CHCHD3: variants seen among roughly 807,000 people sequenced by gnomAD.
The protein encoded by CHCHD3 is coiled-coil-helix-coiled-coil-helix domain containing 3, also known as MICOS complex subunit MIC19.
A neutral mutation model predicts 38.2 loss-of-function variants in CHCHD3; 20 were observed. The observed-to-expected ratio is 0.52, with a 90% CI of 0.37 to 0.76. The LOEUF (loss-of-function observed/expected upper bound fraction) is 0.76. Ranked by LOEUF, CHCHD3 falls within the 30% of genes least tolerant of loss-of-function variation. The probability of loss-of-function intolerance (pLI) is 0.00; values close to 1 mark genes in which losing one functional copy is unlikely to be tolerated. For synonymous variants in CHCHD3, 82 were observed against 100.0 expected, an observed-to-expected ratio of 0.82 and a Z score of 1.07; for missense variants, 245 against 279.2, an observed-to-expected ratio of 0.88 and a Z score of 0.87.
At chr7:132,851,397 T>A (rs530166117) in intron 5 of CHCHD3, among the ~76,000 whole-genome samples, 2 of 152,176 alleles carry the variant, frequency 1.3e-5, no homozygotes, top group Admixed American at 1.3e-4. Flanking sequence ...TTATCGCAAA[T>A]ATAAGGTATT....
intron 4 of CHCHD3, among the ~76,000 whole-genome samples, chr7:132,939,564 C>T (rs1318224869): frequency 2.0e-5 from 3 of 152,162 alleles, no homozygotes; most frequent in Admixed American, 1.3e-4. Context: ...TGTGTAAGTA[C>T]ACTCTCTAGT....
intron 5 of CHCHD3, among the ~76,000 whole-genome samples, chr7:132,842,972 C>A (rs1282248699): frequency 6.6e-6 from 1 of 152,160 alleles, no homozygotes; most frequent in Non-Finnish European, 1.5e-5. Flanking sequence ...CTTTTGGTAT[C>A]CACTGGCGAG....
rs79083248 is a variant in CHCHD3 at position 132,880,293 on chromosome 7, G to A, written c.453+5369C>T. On this transcript the variant is annotated intron_variant, in intron 5 of 7. Coordinates refer to ENST00000262570, the MANE Select transcript of CHCHD3 (RefSeq NM_017812.4). ...ACTTTAAGCCTTCACCTAAACAATA[G>A]GGCGCACAGCCACACAGGGTTGTTG... Among the ~76,000 whole-genome samples, 93 of 152,246 alleles carry A rather than the reference G, an allele frequency of 6.1e-4. 2 individuals are homozygous for A. In the East Asian group the frequency reaches 9.6e-3, roughly 16 times the overall value.
chr7:133,012,092 C>T (rs1812892798), intron 3 of CHCHD3, among the ~76,000 whole-genome samples: 1 of 152,176 alleles, frequency 6.6e-6, no homozygotes, highest in Admixed American at 6.5e-5. Context: ...TAGCATTATC[C>T]ACATTTTCAG....
chr7:133,011,801 T>TA (rs1812880433), intron 3 of CHCHD3, among the ~76,000 whole-genome samples: 1 of 152,218 alleles, frequency 6.6e-6, no homozygotes, highest in Admixed American at 6.5e-5. Context: ...AAAAAATCTT[T>TA]AAAAAATTAT....
intron 5 of CHCHD3, among the ~76,000 whole-genome samples, chr7:132,843,727 T>A (rs999600511): frequency 6.6e-6 from 1 of 152,242 alleles, no homozygotes; most frequent in African/African-American, 2.4e-5. Context: ...TTGCACATGC[T>A]GCTATCTTGT....
chr7:133,073,156 C>T (rs1814876181), intron 1 of CHCHD3, among the ~76,000 whole-genome samples: 1 of 151,896 alleles, frequency 6.6e-6, no homozygotes, highest in Admixed American at 6.6e-5. Context: ...CATCTAACAC[C>T]TCTGGCCACT....
intron 4 of CHCHD3, among the ~76,000 whole-genome samples, chr7:132,899,996 C>A (rs1293648058): frequency 6.6e-6 from 1 of 152,210 alleles, no homozygotes; most frequent in Non-Finnish European, 1.5e-5. Context: ...TTGGAAATAA[C>A]CGTGTGTATG....
intron 3 of CHCHD3, among the ~76,000 whole-genome samples, chr7:132,981,518 T>C (rs1418163708): frequency 1.3e-5 from 2 of 152,246 alleles, no homozygotes; most frequent in African/African-American, 4.8e-5. Flanking sequence ...AAATAGGCTC[T>C]TTTAAAATTT....
chr7:132,984,851 T>TAA (rs1812047535), intron 3 of CHCHD3, among the ~76,000 whole-genome samples: 1 of 107,768 alleles, frequency 9.3e-6, no homozygotes, highest in Non-Finnish European at 2.0e-5. Flanking sequence ...GGGAGGGAGG[T>TAA]GGGGGTCAGC....
chr7:133,034,912 T>G, intron 2 of CHCHD3: 1 of 1,608,224 alleles, frequency 6.2e-7, no homozygotes, highest in Non-Finnish European at 8.5e-7. Flanking sequence ...TTGCAGCTCA[T>G]GAAGGTCTGA....
chr7:132,816,425 G>C (rs1399272364), intron 6 of CHCHD3, among the ~76,000 whole-genome samples: 1 of 151,982 alleles, frequency 6.6e-6, no homozygotes, highest in Admixed American at 6.5e-5. Flanking sequence ...CTGTTTAAAA[G>C]AAAGTTTTAT....
intron 5 of CHCHD3, among the ~76,000 whole-genome samples, 195 bp downstream of exon 5, chr7:132,885,467 G>A (rs1809180862): frequency 6.6e-6 from 1 of 152,034 alleles, no homozygotes. Flanking sequence ...AACAAATAAC[G>A]CAACCATTCC....
intron 6 of CHCHD3, among the ~76,000 whole-genome samples, chr7:132,810,023 G>A (rs1270304197): frequency 6.6e-6 from 1 of 152,164 alleles, no homozygotes; most frequent in Non-Finnish European, 1.5e-5. Context: ...TGAGAAAATG[G>A]TCTCTATTTG....
Position 133,035,163 on chromosome 7 carries a change from T to G in CHCHD3, c.170-10536A>C. ...CTCCTCAGGAGCAGGGGCAGCCGCCTTTTTCTCCTCCTTCCGCTCAGCCTG... is the reference window on the plus strand; with the variant it reads ...CTCCTCAGGAGCAGGGGCAGCCGCCGTTTTCTCCTCCTTCCGCTCAGCCTG... On this transcript the variant is annotated intron_variant, in intron 2 of 7. Transcript: ENST00000262570. This position sits in a 1 kb window ranked among gnomAD's most constrained non-coding sequence, Gnocchi z 4.7. The G allele has an allele frequency of 6.2e-7, 1 of 1,613,432 alleles. No individual in the cohort carries two copies. Among genetic ancestry groups the G allele is most frequent in the Non-Finnish European group, 8.5e-7 (1 of 1,179,490 alleles).
At chr7:132,888,951 G>A (rs973901115) in intron 4 of CHCHD3, among the ~76,000 whole-genome samples, 5 of 151,938 alleles carry the variant, frequency 3.3e-5, no homozygotes, top group African/African-American at 1.2e-4. Flanking sequence ...ATGGTAAGAT[G>A]TTATAGTAGT....
At chr7:132,974,260 C>A (rs182509173) in intron 4 of CHCHD3, among the ~76,000 whole-genome samples, 1 of 152,284 alleles carries the variant, frequency 6.6e-6, no homozygotes, top group Admixed American at 6.5e-5. Flanking sequence ...ATCAGAAAGA[C>A]AGATTGATGG....
intron 1 of CHCHD3, among the ~76,000 whole-genome samples, chr7:133,072,609 G>A (rs997681072): frequency 4.6e-5 from 7 of 152,114 alleles, no homozygotes; most frequent in African/African-American, 1.2e-4. Context: ...GGAGGCCGAG[G>A]TGGGCGGATC....
chr7:132,987,848 A>C (rs1289041524), intron 3 of CHCHD3, among the ~76,000 whole-genome samples: 1 of 152,198 alleles, frequency 6.6e-6, no homozygotes, highest in Middle Eastern at 3.2e-3. Flanking sequence ...CTACCACCAG[A>C]GACAGCAAGA....
Sources: gnomAD v4.1 joint callset for allele counts (sites outside exome capture counted in the v4.1 genomes callset) on GRCh38, gnomAD v4.1.1 for gene constraint, Gnocchi (gnomAD v3.1) non-coding constraint, MANE v1.5 for transcripts, NCBI Gene and HGNC (gene_info 2026-07-23, HGNC 2026-07-21) for gene names.